Variants in PPP2R2B observed in about 807,000 individuals in gnomAD.
PPP2R2B encodes serine/threonine-protein phosphatase 2A 55 kDa regulatory subunit B beta isoform.
Under a neutral mutation model 46.0 loss-of-function variants are expected in PPP2R2B, and 5 were observed. That is an observed-to-expected ratio of 0.11 (90% CI 0.06 to 0.23). The LOEUF (loss-of-function observed/expected upper bound fraction) is 0.23, where lower values mean the gene tolerates loss of function less well. Ranked by LOEUF, PPP2R2B falls within the 10% of genes least tolerant of loss-of-function variation. The pLI is 1.00. For missense variants in PPP2R2B, 367 were observed against 575.0 expected, an observed-to-expected ratio of 0.64 and a Z score of 3.70; for synonymous variants, 215 against 206.7, an observed-to-expected ratio of 1.04 and a Z score of -0.34.
intron 2 of PPP2R2B, among the ~76,000 whole-genome samples, chr5:147,078,307 C>A (rs1156700): frequency 6.6e-6 from 1 of 151,964 alleles, no homozygotes; most frequent in South Asian, 2.1e-4. Context: ...AAATAATAAA[C>A]CTGCAACTGG....
At chr5:147,050,456 A>G (rs1756754890) in intron 1 of PPP2R2B, among the ~76,000 whole-genome samples, 1 of 152,152 alleles carries the variant, frequency 6.6e-6, no homozygotes, top group Non-Finnish European at 1.5e-5. Context: ...CAAACACATG[A>G]AAAATAAGAA....
At chr5:146,845,251 C>G (rs1759912400) in intron 2 of PPP2R2B, among the ~76,000 whole-genome samples, 1 of 151,822 alleles carries the variant, frequency 6.6e-6, no homozygotes, top group South Asian at 2.1e-4. Context: ...ATCTCAACCT[C>G]TCTTTTGTTT....
At chr5:146,924,064 C>T (rs971746152) in intron 1 of PPP2R2B, among the ~76,000 whole-genome samples, 3 of 151,926 alleles carry the variant, frequency 2.0e-5, no homozygotes, top group Non-Finnish European at 4.4e-5. Context: ...CACACTGGGG[C>T]CTTTTGGAGG....
intron 1 of PPP2R2B, among the ~76,000 whole-genome samples, chr5:146,931,912 G>A (rs927465081): frequency 6.6e-6 from 1 of 152,150 alleles, no homozygotes; most frequent in Non-Finnish European, 1.5e-5. Context: ...GTGCACGCAT[G>A]GCATATGTGT....
chr5:147,001,054 T>C (rs960638464), intron 1 of PPP2R2B, among the ~76,000 whole-genome samples: 38 of 152,180 alleles, frequency 2.5e-4, no homozygotes, highest in Non-Finnish European at 4.4e-4. Flanking sequence ...CTTTTCTGTC[T>C]GGCTAAAGGT....
At chr5:146,713,792 A>G (rs573235244) in intron 2 of PPP2R2B, among the ~76,000 whole-genome samples, 7 of 152,330 alleles carry the variant, frequency 4.6e-5, no homozygotes, top group African/African-American at 1.7e-4. Flanking sequence ...TAGAGTTGCC[A>G]TCACTGAGAA....
At chr5:147,022,340 C>T (rs528667647) in intron 1 of PPP2R2B, among the ~76,000 whole-genome samples, 3 of 151,472 alleles carry the variant, frequency 2.0e-5, no homozygotes, top group South Asian at 2.1e-4. Context: ...GGGTGGATTA[C>T]GAGGTCAGGA....
intron 2 of PPP2R2B, among the ~76,000 whole-genome samples, chr5:146,821,219 A>G (rs893348235): frequency 6.6e-6 from 1 of 152,206 alleles, no homozygotes; most frequent in Non-Finnish European, 1.5e-5. Flanking sequence ...ACACACATGT[A>G]CAATTGCACA....
chr5:147,003,692 C>T (rs1754295527), intron 1 of PPP2R2B, among the ~76,000 whole-genome samples: 1 of 152,118 alleles, frequency 6.6e-6, no homozygotes, highest in African/African-American at 2.4e-5. Flanking sequence ...GGGACCTCGA[C>T]TCAGATCATG....
intron 1 of PPP2R2B, among the ~76,000 whole-genome samples, chr5:147,050,828 C>G (rs550731564): frequency 1.3e-4 from 19 of 151,276 alleles, no homozygotes; most frequent in Non-Finnish European, 2.7e-4. Context: ...ATTTTTCCCT[C>G]TGTGTGTGTG....
intron 5 of PPP2R2B, among the ~76,000 whole-genome samples, chr5:146,684,293 C>A (rs1020638085): frequency 2.6e-5 from 4 of 152,156 alleles, no homozygotes; most frequent in Non-Finnish European, 4.4e-5. Flanking sequence ...AAAGCATATA[C>A]CGAAAATTAA....
chr5:146,974,821 T>G (rs914019430), intron 1 of PPP2R2B, among the ~76,000 whole-genome samples: 2 of 151,812 alleles, frequency 1.3e-5, no homozygotes, highest in Non-Finnish European at 2.9e-5. Flanking sequence ...CCTGAGTAGC[T>G]GGGACTACAG....
intron 2 of PPP2R2B, among the ~76,000 whole-genome samples, chr5:146,863,430 C>CTG (rs1310306878): frequency 6.6e-6 from 1 of 152,114 alleles, no homozygotes; most frequent in East Asian, 1.9e-4. Context: ...CCCTACAGAT[C>CTG]TGCGCTACTC....
intron 2 of PPP2R2B, among the ~76,000 whole-genome samples, chr5:146,854,641 T>G: frequency 6.6e-6 from 1 of 152,178 alleles, no homozygotes; most frequent in East Asian, 1.9e-4. Flanking sequence ...AAATGACACC[T>G]TGAAGTGATT....
At chr5:146,597,805 A>C (rs1771334372) in intron 8 of PPP2R2B, among the ~76,000 whole-genome samples, 1 of 152,220 alleles carries the variant, frequency 6.6e-6, no homozygotes, top group Non-Finnish European at 1.5e-5. Flanking sequence ...TGTTCCCATC[A>C]CAAAATTCAC....
chr5:146,935,131 C>T (rs945770344), intron 1 of PPP2R2B, among the ~76,000 whole-genome samples: 3 of 152,176 alleles, frequency 2.0e-5, no homozygotes, highest in African/African-American at 7.2e-5. Context: ...TCTCAAAATT[C>T]ATATGTTGAA....
intron 7 of PPP2R2B, among the ~76,000 whole-genome samples, chr5:146,631,740 C>T (rs916143870): frequency 1.3e-5 from 2 of 152,240 alleles, no homozygotes; most frequent in Non-Finnish European, 2.9e-5. Flanking sequence ...CTAACACACA[C>T]GGACAACCTG....
Position 146,589,546 on chromosome 5 carries a change from T to G in PPP2R2B, c.*401A>C, listed in dbSNP as rs1293121565. 1 of 159,098 alleles carries G rather than the reference T, an allele frequency of 6.3e-6. No homozygotes were observed. The highest frequency in any genetic ancestry group is 1.4e-5 in the Non-Finnish European group (1 of 73,898). 9.9% of individuals were successfully genotyped at this position (159,098 alleles called of 1,614,324 possible). A position where few individuals can be genotyped will look rare whatever the true frequency, so the allele number is the denominator to read the frequency against. ...GGTGTTTATTTTTTGTTGATTTTTT[T>G]CAATCAAATGGAATTGCTTAATTAA... On this transcript the variant is annotated 3_prime_UTR_variant, in exon 10 of 10. Transcript: ENST00000394411.
intron 2 of PPP2R2B, among the ~76,000 whole-genome samples, chr5:146,833,937 T>C (rs1393044248): frequency 6.6e-6 from 1 of 152,202 alleles, no homozygotes; most frequent in African/African-American, 2.4e-5. Flanking sequence ...TCAGGTTCTC[T>C]CTTTATGATT....
Sources: allele counts gnomAD v4.1 joint callset (sites outside exome capture counted in the v4.1 genomes callset), GRCh38; gene constraint gnomAD v4.1.1; transcripts MANE v1.5; gene names NCBI Gene and HGNC (gene_info 2026-07-23, HGNC 2026-07-21).